Variants in ARHGAP28 observed in about 807,000 individuals in gnomAD.
ARHGAP28 encodes Rho GTPase activating protein 28, also known as rho GTPase-activating protein 28.
A neutral mutation model predicts 90.7 loss-of-function variants in ARHGAP28; 56 were observed. The ratio of observed to expected loss-of-function variants is 0.62; its 90% CI spans 0.50 to 0.77. ARHGAP28 has a LOEUF of 0.77. Among genes scored for constraint, ARHGAP28 ranks in the 30% least tolerant of loss-of-function variants. ARHGAP28 has a pLI of 0.00. For missense variants in ARHGAP28, 869 were observed against 900.9 expected (o/e 0.96, Z 0.45); for synonymous variants, 308 against 323.3 (o/e 0.95, Z 0.51).
At chr18:6,795,885 G>A (rs1417163863) in intron 1 of ARHGAP28, among the ~76,000 whole-genome samples, 1 of 152,224 alleles carries the variant, frequency 6.6e-6, no homozygotes, top group Non-Finnish European at 1.5e-5. Context: ...ACATCCCAAG[G>A]GAAGTTTTAA....
chr18:6,876,580 A>T (rs2057132841), intron 10 of ARHGAP28, among the ~76,000 whole-genome samples: 1 of 152,082 alleles, frequency 6.6e-6, no homozygotes, highest in South Asian at 2.1e-4. Flanking sequence ...GAGGTTAAAC[A>T]CCTTAGTTTG....
intron 9 of ARHGAP28, chr18:6,875,071 C>G (rs1485610666): frequency 6.6e-6 from 1 of 152,116 alleles, no homozygotes; most frequent in Non-Finnish European, 1.5e-5. Context: ...ATGTAAAGGA[C>G]AGAGTTTAAA....
chr18:6,766,319 A>C (rs1264472894), intron 1 of ARHGAP28, among the ~76,000 whole-genome samples: 1 of 152,148 alleles, frequency 6.6e-6, no homozygotes, highest in Non-Finnish European at 1.5e-5. Context: ...GGTTTTCTTG[A>C]TGAATTCAAT....
intron 16 of ARHGAP28, among the ~76,000 whole-genome samples, chr18:6,903,598 C>T (rs1323595163): frequency 2.6e-5 from 4 of 151,746 alleles, no homozygotes; most frequent in Admixed American, 6.6e-5. Context: ...TTTGGGAGGC[C>T]GAGGCGGGTG....
intron 1 of ARHGAP28, among the ~76,000 whole-genome samples, chr18:6,777,897 G>T (rs2056297491): frequency 6.6e-6 from 1 of 152,112 alleles, no homozygotes; most frequent in Non-Finnish European, 1.5e-5. Flanking sequence ...AACACCATTG[G>T]TTTTGAAGGT....
chr18:6,877,592 C>G (rs553532918), intron 10 of ARHGAP28, among the ~76,000 whole-genome samples: 1 of 152,198 alleles, frequency 6.6e-6, no homozygotes, highest in Non-Finnish European at 1.5e-5. Context: ...GGCATCAGGG[C>G]TCCGGGCATG....
At chr18:6,870,486 G>A in intron 6 of ARHGAP28, 104 bp from the exon 7 acceptor site, 1 of 1,188,528 alleles carries the variant, frequency 8.4e-7, no homozygotes, top group Non-Finnish European at 1.2e-6. Flanking sequence ...ACTGTAACGT[G>A]CTTGTGGATT....
chr18:6,906,996 G>A (rs997141196), intron 16 of ARHGAP28, among the ~76,000 whole-genome samples: 13 of 152,130 alleles, frequency 8.5e-5, no homozygotes, highest in African/African-American at 2.9e-4. Flanking sequence ...CTTTACTAAG[G>A]AGATACAGAT....
chr18:6,821,185 A>G (rs2056624460), intron 1 of ARHGAP28, among the ~76,000 whole-genome samples: 1 of 152,256 alleles, frequency 6.6e-6, no homozygotes, highest in South Asian at 2.1e-4. Flanking sequence ...GTGAATAGTA[A>G]TAAAGATCTC....
Position 6,729,821 on chromosome 18 carries a change from G to T in ARHGAP28, c.-1G>T. 7.1e-7 allele frequency: 1 copy of T among 1,415,480 alleles called. No individual in the cohort carries two copies. The highest frequency in any genetic ancestry group is 9.2e-7 in the Non-Finnish European group (1 of 1,086,980). The allele number at this position is 1,415,480 out of a possible 1,614,324, so 87.7% of individuals were successfully genotyped here. On this transcript the variant is annotated 5_prime_UTR_variant, in exon 1 of 18. Coordinates refer to ENST00000383472, the MANE Select transcript of ARHGAP28 (RefSeq NM_001366230.1). ...CGGCGCCGAGACATGCGCGGCTGACGATGGAGGTGGAGGACTCGGGCGGCG... is the reference window on the plus strand; with the variant it reads ...CGGCGCCGAGACATGCGCGGCTGACTATGGAGGTGGAGGACTCGGGCGGCG...
chr18:6,836,870 T>C (rs572166240), intron 2 of ARHGAP28, among the ~76,000 whole-genome samples: 40 of 152,110 alleles, frequency 2.6e-4, no homozygotes, highest in Non-Finnish European at 5.1e-4. Flanking sequence ...AAGTAATGGG[T>C]TTTTTCTATT....
chr18:6,764,682 TA>T (rs1219842269), intron 1 of ARHGAP28, among the ~76,000 whole-genome samples: 2 of 152,224 alleles, frequency 1.3e-5, no homozygotes, highest in African/African-American at 4.8e-5. Flanking sequence ...ATTCCATTTT[TA>T]AGCCTGCTTT....
intron 1 of ARHGAP28, among the ~76,000 whole-genome samples, chr18:6,747,501 A>C (rs540284719): frequency 6.6e-6 from 1 of 152,336 alleles, no homozygotes; most frequent in East Asian, 1.9e-4. Flanking sequence ...CAGCCAAAGC[A>C]GTTAAAATAA....
chr18:6,861,710 T>C (rs2057000157), intron 5 of ARHGAP28, among the ~76,000 whole-genome samples: 1 of 152,230 alleles, frequency 6.6e-6, no homozygotes, highest in African/African-American at 2.4e-5. Flanking sequence ...GGCAGCTCCA[T>C]GGCCACAATT....
At chr18:6,796,336 A>G (rs1353156110) in intron 1 of ARHGAP28, among the ~76,000 whole-genome samples, 3 of 152,116 alleles carry the variant, frequency 2.0e-5, no homozygotes, top group Admixed American at 1.3e-4. Context: ...GCATTTCTAC[A>G]TTACAAATCT....
chr18:6,910,848 C>T (rs71360821), intron 17 of ARHGAP28, among the ~76,000 whole-genome samples: 237 of 7,618 alleles, frequency 0.031, 1 homozygote, highest in Middle Eastern at 0.091. Context: ...GTTTTGTTTG[C>T]TTTGTTTTTT....
chr18:6,841,125 CTCTCTCTCCTCTCTCACTG>C (rs1164737212), intron 3 of ARHGAP28, among the ~76,000 whole-genome samples: 1 of 127,550 alleles, frequency 7.8e-6, no homozygotes, highest in Non-Finnish European at 1.8e-5. Flanking sequence ...TCTCTTCTCT[CTCTCTCTCCTCTCTCACTG>C]TCTCTCTCCT....
chr18:6,841,125 C>CTCTGTCTCCTCTCTCACTG lies in ARHGAP28; in HGVS notation c.543+3714_543+3715insGTCTCCTCTCTCACTGTCT, dbSNP rs2056805506. 2.0e-4 allele frequency among the ~76,000 whole-genome samples: 26 copies of CTCTGTCTCCTCTCTCACTG among 127,666 alleles called. 1 individual carries two copies. In the South Asian group the frequency reaches 4.5e-3, roughly 22 times the overall value. 83.8% of individuals were successfully genotyped at this position (127,666 alleles called of 152,430 possible). A position where few individuals can be genotyped will look rare whatever the true frequency, so the allele number is the denominator to read the frequency against. Reference sequence around the variant, plus strand: ...TGTCTCTGGGGTCCTTCTCTTCTCTCTCTCTCTCCTCTCTCACTGTCTCTC... The same window carrying CTCTGTCTCCTCTCTCACTG: ...TGTCTCTGGGGTCCTTCTCTTCTCTCTCTGTCTCCTCTCTCACTGTCTCTCTCCTCTCTCACTGTCTCTC... On this transcript the variant is annotated intron_variant, in intron 3 of 17. Coordinates refer to ENST00000383472, the MANE Select transcript of ARHGAP28 (RefSeq NM_001366230.1).
At chr18:6,898,290 G>T (rs977009293) in intron 16 of ARHGAP28, 4 of 473,620 alleles carry the variant, frequency 8.4e-6, no homozygotes, top group African/African-American at 6.4e-5. Flanking sequence ...GGCCTCAAAC[G>T]TTTTTTTTCT....
Sources: allele counts gnomAD v4.1 joint callset (sites outside exome capture counted in the v4.1 genomes callset), GRCh38; gene constraint gnomAD v4.1.1; transcripts MANE v1.5; gene names NCBI Gene and HGNC (gene_info 2026-07-23, HGNC 2026-07-21).